Variants in ZNF462 observed in about 807,000 individuals in gnomAD.
ZNF462 encodes zinc finger PBX1-interacting protein.
In ZNF462, 10 loss-of-function variants were observed where a neutral mutation model predicts 201.9. That is an observed-to-expected ratio of 0.05 (90% confidence interval 0.03 to 0.08). ZNF462 has a LOEUF of 0.08. Among genes scored for constraint, ZNF462 ranks in the 10% least tolerant of loss-of-function variants. The pLI, the probability that ZNF462 is intolerant of heterozygous loss-of-function variation, is 1.00. For synonymous variants in ZNF462, 1,227 were observed against 1,193.3 expected (o/e 1.03, Z -0.58); for missense variants, 2,523 against 3,168.3 (o/e 0.80, Z 4.89).
At chr9:106,874,584 G>GA (rs1408360273) in intron 1 of ZNF462, among the ~76,000 whole-genome samples, 1 of 152,116 alleles carries the variant, frequency 6.6e-6, no homozygotes, top group Non-Finnish European at 1.5e-5. Context: ...CTCTTGAAAA[G>GA]AAAACCACAT....
upstream of ZNF462, among the ~76,000 whole-genome samples, chr9:106,862,315 G>T (rs1827091485): frequency 6.6e-6 from 1 of 152,144 alleles, no homozygotes; most frequent in South Asian, 2.1e-4. This position sits in a 1 kb window ranked among gnomAD's most constrained non-coding sequence, Gnocchi z 4.2. Context: ...GCAAGTAAGG[G>T]ACCCTCTGGG....
intron 1 of ZNF462, among the ~76,000 whole-genome samples, chr9:106,893,220 A>G (rs1384488863): frequency 6.6e-6 from 1 of 152,194 alleles, no homozygotes; most frequent in Non-Finnish European, 1.5e-5. Flanking sequence ...CCCCAAAATC[A>G]TAGCTGGTTG....
At chr9:106,943,483 A>G (rs1830975671) in intron 7 of ZNF462, among the ~76,000 whole-genome samples, 1 of 152,010 alleles carries the variant, frequency 6.6e-6, no homozygotes, top group East Asian at 1.9e-4. Context: ...CCATCTCTCT[A>G]CTTACTACCC....
intron 4 of ZNF462, among the ~76,000 whole-genome samples, chr9:106,931,426 C>G (rs1459253439): frequency 6.6e-6 from 1 of 152,190 alleles, no homozygotes; most frequent in East Asian, 1.9e-4. Context: ...TGCCCTTTCT[C>G]TAAGGGTACA....
intron 1 of ZNF462, among the ~76,000 whole-genome samples, chr9:106,897,123 CA>C (rs760519526): frequency 6.8e-4 from 104 of 152,280 alleles, no homozygotes; most frequent in South Asian, 1.5e-3. Flanking sequence ...AGTTGGAATT[CA>C]GAAAAAGTAA....
At chr9:106,971,918 AAAAG>A in intron 7 of ZNF462, 83 bp from the exon 8 acceptor site, 1 of 1,502,038 alleles carries the variant, frequency 6.7e-7, no homozygotes, top group East Asian at 2.3e-5. Flanking sequence ...CTGGAGGGTA[AAAAG>A]AAACCTGATG....
intron 1 of ZNF462, among the ~76,000 whole-genome samples, chr9:106,877,296 AT>A (rs397893311): frequency 0.22 from 20,394 of 91,140 alleles, 1,817 homozygotes; most frequent in South Asian, 0.27. Flanking sequence ...ACTACTCATG[AT>A]TTTTTTTTTT....
At chr9:106,888,321 G>A (rs2131016752) in intron 1 of ZNF462, among the ~76,000 whole-genome samples, 1 of 152,300 alleles carries the variant, frequency 6.6e-6, no homozygotes, top group East Asian at 1.9e-4. Context: ...GATTACAGGC[G>A]TGAGCCACCG....
chr9:106,989,537 G>C (rs1828106199), intron 10 of ZNF462, among the ~76,000 whole-genome samples: 1 of 152,034 alleles, frequency 6.6e-6, no homozygotes, highest in Non-Finnish European at 1.5e-5. Flanking sequence ...TGGTATTAGG[G>C]TGATGCTGGC....
intron 10 of ZNF462, among the ~76,000 whole-genome samples, chr9:106,995,899 T>C (rs1828685995): frequency 6.6e-6 from 1 of 152,180 alleles, no homozygotes; most frequent in Non-Finnish European, 1.5e-5. Flanking sequence ...ATGTGCCATG[T>C]TGGTGTGCTG....
intron 5 of ZNF462, among the ~76,000 whole-genome samples, chr9:106,934,181 TAAG>T (rs1409976036): frequency 2.0e-5 from 3 of 150,906 alleles, no homozygotes; most frequent in Non-Finnish European, 4.4e-5. Context: ...ATCTTATGAA[TAAG>T]AAGAGTAAAG....
intron 1 of ZNF462, among the ~76,000 whole-genome samples, chr9:106,875,560 A>G (rs916909873): frequency 6.6e-6 from 1 of 152,230 alleles, no homozygotes; most frequent in Non-Finnish European, 1.5e-5. Flanking sequence ...TTTTAACTTT[A>G]TATCACCCCT....
intron 1 of ZNF462, among the ~76,000 whole-genome samples, chr9:106,888,198 C>G (rs1017974000): frequency 1.3e-5 from 2 of 151,844 alleles, no homozygotes; most frequent in Non-Finnish European, 2.9e-5. Flanking sequence ...CCCGCCACCG[C>G]GCCCGGCTAA....
At position 106,927,910 on chromosome 9, in the gene ZNF462, G is replaced by A. The variant is rs780679324; in HGVS notation, c.3998G>A (p.Arg1333Gln). The A allele has an allele frequency of 1.9e-6, 3 of 1,614,144 alleles. No homozygotes were observed. The highest frequency in any genetic ancestry group is 1.1e-5 in the South Asian group (1 of 91,074). The change falls in exon 3 of 13, where the codon CGG becomes CAG. Residue 1333 changes from arginine (R) to glutamine (Q), a missense_variant. Arg to Gln is a conservative substitution (Grantham distance 43). Transcript: ENST00000277225. ...AACGGTTTGCTCCTGCATTACCAACGGAGGCATCCAGAACACTATGTTGAT... is the reference window on the plus strand; with the variant it reads ...AACGGTTTGCTCCTGCATTACCAACAGAGGCATCCAGAACACTATGTTGAT... The part of the protein sequence containing the change: ...EPNGLLLHYQ[R>Q]RHPEHYVDYT...
rs572611753 is a variant in ZNF462, at chr9:106,917,848, A to T, written c.-30-5506A>T. On this transcript the variant is annotated intron_variant, in intron 1 of 12. Transcript: ENST00000277225. The surrounding 1 kb of genome is among the most constrained non-coding windows in gnomAD (Gnocchi z 4.5). ...TATTTTGCTGGTTTATTATTTTTTTATATTTATTTATTTATTTATTTATTT... is the reference window on the plus strand; with the variant it reads ...TATTTTGCTGGTTTATTATTTTTTTTTATTTATTTATTTATTTATTTATTT... 4.2e-4 allele frequency among the ~76,000 whole-genome samples: 61 copies of T among 145,728 alleles called. No homozygotes were observed. In the South Asian group the frequency reaches 7.8e-3, roughly 19 times the overall value.
At chr9:106,949,513 C>T (rs575088765) in intron 7 of ZNF462, among the ~76,000 whole-genome samples, 3 of 152,328 alleles carry the variant, frequency 2.0e-5, no homozygotes, top group Admixed American at 1.3e-4. Flanking sequence ...TAACTTCTCC[C>T]TTCCTCCCAC....
rs1378981979 is a variant in ZNF462 at position 106,926,187 on chromosome 9, C to A, written c.2275C>A (p.Gln759Lys). 5.0e-6 allele frequency: 8 copies of A among 1,614,050 alleles called. No individual in the cohort carries two copies. The Admixed American group carries it at 6.7e-5, about 13-fold the overall frequency. ...GGTTCCCACTTCCTTTTCTGCCCAA[C>A]AGATATGGGTAAGAGATACCAGTGA... ...IEVPTSFSAQQIWVRDTSEPQ... is the reference protein window; with the variant it reads ...IEVPTSFSAQKIWVRDTSEPQ... The change falls in exon 3 of 13, where the codon CAG (glutamine) becomes AAG (lysine). Residue 759 changes from glutamine (Q) to lysine (K), a missense_variant. Physicochemically the swap from Gln to Lys is moderately conservative, Grantham distance 53. Transcript: ENST00000277225. The surrounding 1 kb of genome is among the most constrained non-coding windows in gnomAD (Gnocchi z 7.9).
intron 7 of ZNF462, among the ~76,000 whole-genome samples, chr9:106,949,993 C>G (rs921508468): frequency 6.6e-6 from 1 of 152,122 alleles, no homozygotes; most frequent in African/African-American, 2.4e-5. Flanking sequence ...CCCATCCAAC[C>G]TAGACCTGAC....
chr9:106,889,002 T>C (rs1456228021), intron 1 of ZNF462, among the ~76,000 whole-genome samples: 1 of 152,258 alleles, frequency 6.6e-6, no homozygotes, highest in Non-Finnish European at 1.5e-5. Context: ...AATGATCCCC[T>C]TTCACTTTAA....
Sources: gnomAD v4.1 joint callset for allele counts (sites outside exome capture counted in the v4.1 genomes callset) on GRCh38, gnomAD v4.1.1 for gene constraint, Gnocchi (gnomAD v3.1) non-coding constraint, MANE v1.5 for transcripts, NCBI Gene and HGNC (gene_info 2026-07-23, HGNC 2026-07-21) for gene names.